Variants in PADI4 observed in about 807,000 individuals in gnomAD.
The protein encoded by PADI4 is peptidyl arginine deiminase 4.
Under a neutral mutation model 75.0 loss-of-function variants are expected in PADI4, and 62 were observed. The ratio of observed to expected loss-of-function variants is 0.83; its 90% CI spans 0.67 to 1.02. PADI4 has a LOEUF of 1.02. PADI4 is among the 50% of genes least tolerant of loss of function. The pLI is 0.00. For synonymous variants in PADI4, 361 were observed against 348.1 expected (o/e 1.04, Z -0.41); for missense variants, 845 against 850.5 (o/e 0.99, Z 0.08).
intron 10 of PADI4, among the ~76,000 whole-genome samples, chr1:17,351,984 GGA>G (rs1557576326): frequency 0.21 from 14,046 of 67,402 alleles, 2,301 homozygotes; most frequent in Admixed American, 0.32. Flanking sequence ...GGTGATGGGA[GGA>G]GAGGCAGTCA....
At position 17,339,794 on chromosome 1, in the gene PADI4, GAGGGTGTTTC is replaced by G. The variant is rs1157390756; in HGVS notation, c.637_646del (p.Val213ProfsTer12). 6.2e-7 allele frequency: 1 copy of G among 1,610,186 alleles called. No individual in the cohort carries two copies. The highest frequency in any genetic ancestry group is 1.1e-5 in the South Asian group (1 of 90,440). On this transcript the variant is annotated frameshift_variant, in exon 6 of 16. Coordinates refer to ENST00000375448, the MANE Select transcript of PADI4 (RefSeq NM_012387.3). LOFTEE classifies it high-confidence loss of function. ...TGGCCAGGTCTGAGATGGACAAAGT[GAGGGTGTTTC>G]AGGCCACACGTAAGTCATCCCCATC...
chr1:17,349,339 A>G (rs2074579070), intron 10 of PADI4, among the ~76,000 whole-genome samples: 5 of 152,130 alleles, frequency 3.3e-5, no homozygotes, highest in Non-Finnish European at 7.4e-5. Context: ...CCCCTTTCCC[A>G]CAGACAACTT....
intron 15 of PADI4, among the ~76,000 whole-genome samples, chr1:17,363,017 A>G (rs2074867699): frequency 6.6e-6 from 1 of 152,040 alleles, no homozygotes; most frequent in Non-Finnish European, 1.5e-5. Flanking sequence ...GGGTTTCCCC[A>G]TGTTGGCCAA....
At chr1:17,314,879 C>G (rs1270032700) in intron 1 of PADI4, among the ~76,000 whole-genome samples, 2 of 152,236 alleles carry the variant, frequency 1.3e-5, no homozygotes, top group African/African-American at 4.8e-5. Flanking sequence ...TGTGCCCTGG[C>G]TGGCTGGTGT....
intron 1 of PADI4, among the ~76,000 whole-genome samples, chr1:17,328,060 A>T (rs1280910802): frequency 1.3e-5 from 2 of 151,998 alleles, no homozygotes; most frequent in Middle Eastern, 3.4e-3. Flanking sequence ...GTTGCCCAGG[A>T]TGGAGTGCAG....
At chr1:17,339,575 G>T in intron 5 of PADI4, 113 bp from the exon 6 acceptor site, 1 of 1,010,948 alleles carries the variant, frequency 9.9e-7, no homozygotes, top group East Asian at 2.4e-5. Context: ...ATGGTAAAGG[G>T]AGGTCTCAGG....
chr1:17,327,312 T>A (rs1264827409), intron 1 of PADI4, among the ~76,000 whole-genome samples: 7 of 152,216 alleles, frequency 4.6e-5, no homozygotes, highest in Non-Finnish European at 2.9e-5. Flanking sequence ...TTGATACCAA[T>A]GTGTTTTGTC....
chr1:17,341,375 A>G (rs2100739306), intron 6 of PADI4, among the ~76,000 whole-genome samples: 1 of 152,274 alleles, frequency 6.6e-6, no homozygotes, highest in South Asian at 2.1e-4. Flanking sequence ...CTGGGATTAC[A>G]GGCGTAAGCC....
Position 17,359,404 on chromosome 1 carries a change from A to G in PADI4, c.1754A>G (p.Asn585Ser). 1 of 1,613,986 alleles carries G rather than the reference A, an allele frequency of 6.2e-7. No individual in the cohort carries two copies. The highest frequency in any genetic ancestry group is 8.5e-7 in the Non-Finnish European group (1 of 1,179,932). Residue 585 changes from asparagine (N) to serine (S), a missense_variant, in exon 15 of 16, where the codon AAC (asparagine) becomes AGC (serine). Transcript: ENST00000375448. ...EFSKAEAFFP[N>S]MVNMLVLGKH... ...TCTAAGGCGGAAGCTTTTTTCCCCA[A>G]CATGGTGAGGAGGTGGCGGCTTTAA...
rs542077954 is a variant in PADI4 at position 17,338,712 on chromosome 1, A to C, written c.526+557A>C. On this transcript the variant is annotated intron_variant, in intron 5 of 15. Coordinates refer to ENST00000375448, the MANE Select transcript of PADI4 (RefSeq NM_012387.3). Reference sequence around the variant, plus strand: ...CCAACACCGGAGCAGGTTTAGAGGCATGAGGATGGTGGGGAATGCAGGATC... The same window carrying C: ...CCAACACCGGAGCAGGTTTAGAGGCCTGAGGATGGTGGGGAATGCAGGATC... Among the ~76,000 whole-genome samples the C allele has an allele frequency of 5.3e-5, 8 of 152,324 alleles. No individual in the cohort carries two copies. In the South Asian group the frequency reaches 1.7e-3, roughly 32 times the overall value.
rs979933807 is a variant in PADI4 at position 17,354,474 on chromosome 1, C to T, written c.1156-59C>T. On this transcript the variant is annotated intron_variant, in intron 10 of 15. Transcript: ENST00000375448. Reference sequence around the variant, plus strand: ...AGTTCATCTCTAAACTTGGACCCCCCGACCCTTCACCAGGGACCTCATTCC... The same window carrying T: ...AGTTCATCTCTAAACTTGGACCCCCTGACCCTTCACCAGGGACCTCATTCC... The T allele has an allele frequency of 3.5e-5, 53 of 1,523,184 alleles. No homozygotes were observed. The Admixed American group carries it at 4.2e-4, about 12-fold the overall frequency. The allele number at this position is 1,523,184 out of a possible 1,614,324, so 94.4% of individuals were successfully genotyped here.
Position 17,342,036 on chromosome 1 carries a change from T to A in PADI4, c.746T>A (p.Phe249Tyr), listed in dbSNP as rs1243308204. The change falls in exon 7 of 16, where the codon TTC (phenylalanine) becomes TAC (tyrosine). Residue 249 changes from phenylalanine (F) to tyrosine (Y), a missense_variant. Coordinates refer to ENST00000375448, the MANE Select transcript of PADI4 (RefSeq NM_012387.3). ...CCCGGTGGAAAGCACAACATGGACT[T>A]CTACGTGGAGGCCCTCGCTTTCCCG... ...MVPGGKHNMD[F>Y]YVEALAFPDT... is the part of the protein sequence containing the mutation. The A allele has an allele frequency of 4.3e-6, 7 of 1,613,814 alleles. No individual in the cohort carries two copies. Among genetic ancestry groups the A allele is most frequent in the Non-Finnish European group, 5.1e-6 (6 of 1,179,842 alleles).
chr1:17,359,913 G>A (rs1156498982), intron 15 of PADI4, among the ~76,000 whole-genome samples: 1 of 152,242 alleles, frequency 6.6e-6, no homozygotes, highest in Non-Finnish European at 1.5e-5. Flanking sequence ...CGTCTTGCAA[G>A]GAAGAGTGTA....
intron 3 of PADI4, among the ~76,000 whole-genome samples, chr1:17,334,978 C>CA (rs557317234): frequency 7.8e-4 from 118 of 151,412 alleles, no homozygotes; most frequent in African/African-American, 2.4e-3. Context: ...CCTGTCTCTA[C>CA]AAAAAATAAA....
intron 15 of PADI4, among the ~76,000 whole-genome samples, chr1:17,359,829 G>T (rs1253892769): frequency 4.6e-5 from 7 of 152,210 alleles, no homozygotes. Flanking sequence ...GATAGGAAAA[G>T]GGGTCAGTGA....
intron 2 of PADI4, among the ~76,000 whole-genome samples, chr1:17,332,203 T>C (rs2074226513): frequency 6.6e-6 from 1 of 152,134 alleles, no homozygotes; most frequent in South Asian, 2.1e-4. Context: ...CCATGGGATG[T>C]GGGGCCCAGC....
At chr1:17,330,137 A>G (rs1399978205) in intron 1 of PADI4, among the ~76,000 whole-genome samples, 1 of 152,262 alleles carries the variant, frequency 6.6e-6, no homozygotes, top group East Asian at 1.9e-4. Context: ...CCATGCCTAC[A>G]TCTGTGTGTG....
rs368014725 is a variant in PADI4, at chr1:17,342,329, A to G, written c.862A>G (p.Ser288Gly). ...ELPEAVVFQD[S>G]VVFRVAPWIM... is the part of the protein sequence containing the mutation. Reference sequence around the variant, plus strand: ...CCCCGAGGCTGTGGTGTTCCAAGACAGCGTGGTCTTCCGCGTGGCGCCCTG... The same window carrying G: ...CCCCGAGGCTGTGGTGTTCCAAGACGGCGTGGTCTTCCGCGTGGCGCCCTG... Residue 288 changes from serine to glycine, a missense_variant, in exon 8 of 16, where the codon AGC becomes GGC. Transcript: ENST00000375448. 1.2e-6 allele frequency: 2 copies of G among 1,613,840 alleles called. No homozygotes were observed. Among genetic ancestry groups the G allele is most frequent in the Non-Finnish European group, 1.7e-6 (2 of 1,179,830 alleles).
rs115732482 is a variant in PADI4, at chr1:17,323,882, A to G, written c.93-7087A>G. Among the ~76,000 whole-genome samples the G allele has an allele frequency of 8.1e-3, 1,239 of 152,206 alleles. 20 individuals carry two copies. Among genetic ancestry groups the G allele is most frequent in the African/African-American group, 0.028 (1,162 of 41,530 alleles). ...AACAAAAAAAACACAAACAAACAAA[A>G]AACACATGTAATCCTAAGTGTTTCT... On this transcript the variant is annotated intron_variant, in intron 1 of 15. Coordinates refer to ENST00000375448, the MANE Select transcript of PADI4 (RefSeq NM_012387.3).
Sources: allele counts gnomAD v4.1 joint callset (sites outside exome capture counted in the v4.1 genomes callset), GRCh38; gene constraint gnomAD v4.1.1; transcripts MANE v1.5; gene names NCBI Gene and HGNC (gene_info 2026-07-23, HGNC 2026-07-21).